Variants in GMDS observed in about 807,000 individuals in gnomAD.
The protein encoded by GMDS is GDP-mannose 4,6 dehydratase.
In GMDS, 20 loss-of-function variants were observed where a neutral mutation model predicts 49.9. That is an observed-to-expected ratio of 0.40 (90% CI 0.28 to 0.58). The LOEUF (loss-of-function observed/expected upper bound fraction) is 0.58, where lower values mean the gene tolerates loss of function less well. Among genes scored for constraint, GMDS ranks in the 20% least tolerant of loss-of-function variants. The pLI, the probability that GMDS is intolerant of heterozygous loss-of-function variation, is 0.42. For missense variants in GMDS, 362 were observed against 481.4 expected (o/e 0.75, Z 2.32); for synonymous variants, 177 against 178.6 (o/e 0.99, Z 0.07).
intron 9 of GMDS, among the ~76,000 whole-genome samples, chr6:1,631,526 A>T (rs1763001630): frequency 6.6e-6 from 1 of 152,054 alleles, no homozygotes; most frequent in Admixed American, 6.5e-5. Flanking sequence ...ACTGCTTCGG[A>T]CATGAGTACT....
At chr6:1,708,122 A>G (rs1220918694) in intron 9 of GMDS, among the ~76,000 whole-genome samples, 1 of 152,234 alleles carries the variant, frequency 6.6e-6, no homozygotes, top group African/African-American at 2.4e-5. Flanking sequence ...AGAAGTATCA[A>G]GTGGGAAAGG....
At chr6:1,714,250 C>T (rs964149423) in intron 9 of GMDS, among the ~76,000 whole-genome samples, 1 of 152,112 alleles carries the variant, frequency 6.6e-6, no homozygotes, top group Non-Finnish European at 1.5e-5. Context: ...GATCTCCTGA[C>T]CTCGTGATCC....
At chr6:1,746,193 T>C (rs907668531) in intron 7 of GMDS, among the ~76,000 whole-genome samples, 12 of 150,370 alleles carry the variant, frequency 8.0e-5, no homozygotes, top group Admixed American at 2.0e-4. Context: ...AGAAACAGTG[T>C]TGAGGTTACA....
chr6:2,223,646 G>A (rs1780695329), intron 1 of GMDS, among the ~76,000 whole-genome samples: 1 of 152,060 alleles, frequency 6.6e-6, no homozygotes, highest in Admixed American at 6.5e-5. Flanking sequence ...GAGGGGAAAG[G>A]AGGACGATAG....
intron 4 of GMDS, among the ~76,000 whole-genome samples, chr6:1,987,657 A>T (rs1368022588): frequency 6.6e-6 from 1 of 152,232 alleles, no homozygotes; most frequent in Non-Finnish European, 1.5e-5. Flanking sequence ...TATGGGGGAA[A>T]AAAGCTGGAA....
At chr6:2,123,168 C>T (rs1581681719) in intron 2 of GMDS, among the ~76,000 whole-genome samples, 2 of 151,882 alleles carry the variant, frequency 1.3e-5, no homozygotes, top group South Asian at 4.2e-4. Flanking sequence ...AGAATGGTTG[C>T]CATCTACACA....
At chr6:1,830,609 C>A (rs187908198) in intron 7 of GMDS, among the ~76,000 whole-genome samples, 1 of 152,148 alleles carries the variant, frequency 6.6e-6, no homozygotes, top group Non-Finnish European at 1.5e-5. Context: ...TACAACACTT[C>A]TCTAGTTTTT....
At chr6:2,161,630 G>A (rs2127546072) in intron 1 of GMDS, among the ~76,000 whole-genome samples, 1 of 152,340 alleles carries the variant, frequency 6.6e-6, no homozygotes, top group Non-Finnish European at 1.5e-5. Context: ...CTGACCCAGA[G>A]GTGGTGGGGG....
intron 1 of GMDS, among the ~76,000 whole-genome samples, chr6:2,137,252 C>A (rs1434135114): frequency 6.6e-6 from 1 of 152,046 alleles, no homozygotes; most frequent in Admixed American, 6.5e-5. Context: ...ATTACCTTGT[C>A]CTTTCCTGAG....
intron 4 of GMDS, among the ~76,000 whole-genome samples, chr6:2,051,040 T>C (rs1314440023): frequency 2.0e-5 from 3 of 152,036 alleles, no homozygotes; most frequent in Non-Finnish European, 4.4e-5. Context: ...CAAACCAACA[T>C]GGCACATGTA....
intron 1 of GMDS, among the ~76,000 whole-genome samples, chr6:2,141,568 C>T (rs2127528565): frequency 6.6e-6 from 1 of 152,270 alleles, no homozygotes. Flanking sequence ...ACCGTGAACG[C>T]TGACGGAGAG....
intron 6 of GMDS, among the ~76,000 whole-genome samples, chr6:1,944,002 T>C (rs1762939657): frequency 6.6e-6 from 1 of 152,094 alleles, no homozygotes; most frequent in Admixed American, 6.5e-5. Flanking sequence ...AAATGACTTA[T>C]TTGCATTAAA....
intron 6 of GMDS, among the ~76,000 whole-genome samples, chr6:1,954,102 T>C (rs543815379): frequency 2.0e-5 from 3 of 152,302 alleles, no homozygotes; most frequent in South Asian, 2.1e-4. Flanking sequence ...GAATACTGTA[T>C]GTATGTAAAT....
intron 4 of GMDS, among the ~76,000 whole-genome samples, chr6:2,002,391 A>G (rs1388758134): frequency 3.9e-5 from 6 of 152,230 alleles, no homozygotes; most frequent in African/African-American, 1.4e-4. Context: ...AGACTGAATT[A>G]TAAATGTAAA....
At chr6:2,174,568 T>G (rs991233216) in intron 1 of GMDS, among the ~76,000 whole-genome samples, 1 of 152,080 alleles carries the variant, frequency 6.6e-6, no homozygotes, top group African/African-American at 2.4e-5. Flanking sequence ...TGTTTTGTTT[T>G]GTTTTGTTTT....
chr6:1,759,316 T>A (rs995566606), intron 7 of GMDS, among the ~76,000 whole-genome samples: 3 of 152,142 alleles, frequency 2.0e-5, no homozygotes, highest in Non-Finnish European at 4.4e-5. Context: ...ATTCCACAAA[T>A]GTTAAAGATG....
At chr6:1,947,190 A>G (rs1268632317) in intron 6 of GMDS, among the ~76,000 whole-genome samples, 2 of 152,128 alleles carry the variant, frequency 1.3e-5, no homozygotes, top group Admixed American at 6.5e-5. Flanking sequence ...AGCACTCCCA[A>G]TTAAATGTTC....
chr6:2,149,729 C>T (rs1776752159), intron 1 of GMDS, among the ~76,000 whole-genome samples: 1 of 152,192 alleles, frequency 6.6e-6, no homozygotes, highest in African/African-American at 2.4e-5. Context: ...ATTTCTACAA[C>T]ACGCCTCCAG....
intron 1 of GMDS, among the ~76,000 whole-genome samples, chr6:2,143,076 G>C (rs1776384753): frequency 6.6e-6 from 1 of 152,190 alleles, no homozygotes; most frequent in Admixed American, 6.5e-5. Context: ...ACAAGGACAG[G>C]ACCATGACTG....
Sources: allele counts gnomAD v4.1 joint callset (sites outside exome capture counted in the v4.1 genomes callset), GRCh38; gene constraint gnomAD v4.1.1; transcripts MANE v1.5; gene names NCBI Gene and HGNC (gene_info 2026-07-23, HGNC 2026-07-21).